The following CFAP299 variants were observed in gnomAD, a reference collection of about 807,000 sequenced individuals.
CFAP299 encodes cilia- and flagella-associated protein 299.
A neutral mutation model predicts 27.0 loss-of-function variants in CFAP299; 21 were observed. The observed-to-expected ratio is 0.78, with a 90% CI of 0.55 to 1.12. The LOEUF (loss-of-function observed/expected upper bound fraction) is 1.12, where lower values mean the gene tolerates loss of function less well. CFAP299 is among the 50% of genes most tolerant of loss of function. The pLI, the probability that CFAP299 is intolerant of heterozygous loss-of-function variation, is 0.00. For missense variants in CFAP299, 310 were observed against 276.6 expected (o/e 1.12, Z -0.86); for synonymous variants, 104 against 98.1 (o/e 1.06, Z -0.36).
At chr4:80,507,778 C>T (rs2110159667) in intron 2 of CFAP299, among the ~76,000 whole-genome samples, 1 of 152,292 alleles carries the variant, frequency 6.6e-6, no homozygotes, top group Non-Finnish European at 1.5e-5. Context: ...AGTGGCAAGG[C>T]TCAGGAACCT....
At position 80,963,719 on chromosome 4, in the gene CFAP299, C is replaced by A. The variant is rs981586706; in HGVS notation, c.*107C>A. On this transcript the variant is annotated 3_prime_UTR_variant, in exon 6 of 6. Transcript: ENST00000358105. ...CCTGTAGCTGGAAGGCAAATTAGAA[C>A]AATAAAGTTAATAAAGAAGTTAGAA... 3 of 653,534 alleles carry A rather than the reference C, an allele frequency of 4.6e-6. No individual in the cohort carries two copies. The highest frequency in any genetic ancestry group is 1.9e-5 in the African/African-American group (1 of 53,502). 40.5% of individuals were successfully genotyped at this position (653,534 alleles called of 1,614,324 possible). A position where few individuals can be genotyped will look rare whatever the true frequency, so the allele number is the denominator to read the frequency against.
chr4:80,366,764 T>C (rs1483094687), intron 2 of CFAP299, among the ~76,000 whole-genome samples: 2 of 152,164 alleles, frequency 1.3e-5, no homozygotes, highest in East Asian at 3.8e-4. Context: ...TATACAAATG[T>C]CAGTAGCAGT....
intron 2 of CFAP299, among the ~76,000 whole-genome samples, chr4:80,419,020 A>G (rs1209321107): frequency 6.6e-6 from 1 of 152,170 alleles, no homozygotes; most frequent in African/African-American, 2.4e-5. Flanking sequence ...TGTTACCAGC[A>G]GCAAATCTAT....
chr4:80,938,261 G>T (rs1418264538), intron 4 of CFAP299, among the ~76,000 whole-genome samples: 1 of 152,188 alleles, frequency 6.6e-6, no homozygotes, highest in Non-Finnish European at 1.5e-5. Flanking sequence ...AAGCTGGGCA[G>T]CACAGTTAAC....
chr4:80,920,450 A>G (rs1053058703), intron 4 of CFAP299, among the ~76,000 whole-genome samples: 1 of 152,124 alleles, frequency 6.6e-6, no homozygotes, highest in African/African-American at 2.4e-5. Context: ...TGAAGTCTTT[A>G]TAAGATGTCC....
chr4:80,731,953 C>T (rs1723550354), intron 3 of CFAP299, among the ~76,000 whole-genome samples: 1 of 151,958 alleles, frequency 6.6e-6, no homozygotes, highest in Admixed American at 6.6e-5. Flanking sequence ...AGATACAACC[C>T]TTAATTGCCT....
chr4:80,560,245 C>T (rs1734974464), intron 2 of CFAP299, among the ~76,000 whole-genome samples: 1 of 151,998 alleles, frequency 6.6e-6, no homozygotes, highest in Non-Finnish European at 1.5e-5. Context: ...AAGGAAAATA[C>T]CCAGTCCTGG....
At chr4:80,600,076 C>A (rs1426749240) in intron 3 of CFAP299, among the ~76,000 whole-genome samples, 1 of 151,994 alleles carries the variant, frequency 6.6e-6, no homozygotes, top group Non-Finnish European at 1.5e-5. Flanking sequence ...ATGTTCTACA[C>A]TTATAAATAG....
rs550996866 is a variant in CFAP299, at chr4:80,703,601, A to AT, written c.333+120428dup. Among the ~76,000 whole-genome samples the AT allele has an allele frequency of 2.9e-3, 427 of 147,826 alleles. 2 individuals are homozygous for AT. Among genetic ancestry groups the AT allele is most frequent in the East Asian group, 0.014 (72 of 5,080 alleles). Reference sequence around the variant, plus strand: ...TTGGTGGTTTTAAAGATTGTGAGGTATTTTTTTTTTGCTTAAAAATAACTG... The same window carrying AT: ...TTGGTGGTTTTAAAGATTGTGAGGTATTTTTTTTTTTGCTTAAAAATAACTG... On this transcript the variant is annotated intron_variant, in intron 3 of 5. Transcript: ENST00000358105.
intron 2 of CFAP299, among the ~76,000 whole-genome samples, chr4:80,410,594 C>T (rs1217885709): frequency 2.0e-5 from 3 of 152,124 alleles, no homozygotes; most frequent in African/African-American, 7.2e-5. Flanking sequence ...TGTTTCTTAC[C>T]CGTCCATGTA....
chr4:80,879,139 T>A (rs1733562124), intron 4 of CFAP299, among the ~76,000 whole-genome samples: 1 of 152,128 alleles, frequency 6.6e-6, no homozygotes, highest in African/African-American at 2.4e-5. Context: ...AGGTAAATGA[T>A]GCTTCAGGGG....
chr4:80,433,664 T>G (rs1464404100), intron 2 of CFAP299, among the ~76,000 whole-genome samples: 1 of 152,176 alleles, frequency 6.6e-6, no homozygotes, highest in Non-Finnish European at 1.5e-5. Context: ...ATGGAGTATT[T>G]GGCTACCAAC....
At chr4:80,880,998 C>T (rs1477344477) in intron 4 of CFAP299, among the ~76,000 whole-genome samples, 2 of 152,110 alleles carry the variant, frequency 1.3e-5, no homozygotes, top group African/African-American at 4.8e-5. Context: ...AGATGCCAGT[C>T]CTCTAAACAA....
rs770918592 is a variant in CFAP299, at chr4:80,963,640, T to A, written c.*28T>A. The A allele has an allele frequency of 2.7e-6, 4 of 1,462,916 alleles. No homozygotes were observed. Among genetic ancestry groups the A allele is most frequent in the Non-Finnish European group, 3.8e-6 (4 of 1,055,336 alleles). The allele number at this position is 1,462,916 out of a possible 1,614,324, so 90.6% of individuals were successfully genotyped here. On this transcript the variant is annotated 3_prime_UTR_variant, in exon 6 of 6. Coordinates refer to ENST00000358105, the MANE Select transcript of CFAP299 (RefSeq NM_152770.3). ...ACCAACATGTTAATTTCCTAATAAT[T>A]TGCTAAATTTAAATAAATTCCGTAG...
intron 3 of CFAP299, among the ~76,000 whole-genome samples, chr4:80,835,654 G>A: frequency 6.6e-6 from 1 of 152,008 alleles, no homozygotes; most frequent in East Asian, 1.9e-4. Context: ...AATTGTCCTG[G>A]ATTATCCAGA....
At chr4:80,565,980 C>A (rs1735264762) in intron 2 of CFAP299, among the ~76,000 whole-genome samples, 1 of 152,018 alleles carries the variant, frequency 6.6e-6, no homozygotes, top group Admixed American at 6.6e-5. Context: ...GATGCATTTG[C>A]ACCCTCATGA....
chr4:80,342,218 G>A (rs751403768), intron 1 of CFAP299, among the ~76,000 whole-genome samples: 1 of 152,278 alleles, frequency 6.6e-6, no homozygotes, highest in Middle Eastern at 3.4e-3. Context: ...GAAACTGGAA[G>A]AACCGAACCA....
intron 4 of CFAP299, among the ~76,000 whole-genome samples, chr4:80,902,057 A>T (rs529554140): frequency 4.6e-5 from 7 of 151,992 alleles, no homozygotes; most frequent in Non-Finnish European, 1.0e-4. Context: ...GGCACTTTCA[A>T]ATAACAAAAC....
intron 2 of CFAP299, among the ~76,000 whole-genome samples, chr4:80,469,031 G>T (rs544599232): frequency 1.3e-5 from 2 of 152,034 alleles, no homozygotes; most frequent in African/African-American, 4.8e-5. Flanking sequence ...AGAAAAAAAA[G>T]CAATCGGCAA....
Sources: allele counts gnomAD v4.1 joint callset (sites outside exome capture counted in the v4.1 genomes callset), GRCh38; gene constraint gnomAD v4.1.1; transcripts MANE v1.5; gene names NCBI Gene and HGNC (gene_info 2026-07-23, HGNC 2026-07-21).